ATRNL1: variants seen among roughly 807,000 people sequenced by gnomAD.
ATRNL1 encodes the protein attractin-like protein 1.
ATRNL1 carries 95 observed loss-of-function variants against 182.7 expected under a neutral mutation model. That is an observed-to-expected ratio of 0.52 (90% CI 0.44 to 0.62). ATRNL1 has a LOEUF of 0.62. ATRNL1 is among the 20% of genes least tolerant of loss of function. The probability of loss-of-function intolerance (pLI) is 0.00; values close to 1 mark genes in which losing one functional copy is unlikely to be tolerated. For synonymous variants in ATRNL1, 576 were observed against 568.3 expected (o/e 1.01, Z -0.19); for missense variants, 1,471 against 1,679.5 (o/e 0.88, Z 2.17).
intron 28 of ATRNL1, among the ~76,000 whole-genome samples, chr10:115,923,324 A>G (rs1953123978): frequency 6.6e-6 from 1 of 152,232 alleles, no homozygotes; most frequent in Non-Finnish European, 1.5e-5. Flanking sequence ...ACAGGTATAG[A>G]ATGTACAGGT....
At chr10:115,312,453 A>C (rs1479792435) in intron 17 of ATRNL1, among the ~76,000 whole-genome samples, 1 of 152,154 alleles carries the variant, frequency 6.6e-6, no homozygotes. Flanking sequence ...TCTGGCCTGT[A>C]AGGTTTCTGC....
rs183918903 is a variant in ATRNL1 at position 115,882,458 on chromosome 10, C to G, written c.4018+34467C>G. On this transcript the variant is annotated intron_variant, in intron 28 of 28. Coordinates refer to ENST00000355044, the MANE Select transcript of ATRNL1 (RefSeq NM_207303.4). ...GTTAGTTGTTCTTTCCCATAGGTAC[C>G]CTGTATTTTCATACTTCATTCACAT... Among the ~76,000 whole-genome samples the G allele has an allele frequency of 9.9e-5, 15 of 152,200 alleles. No individual in the cohort carries two copies. In the East Asian group the frequency reaches 2.5e-3, roughly 26 times the overall value.
chr10:115,781,017 AG>A (rs1555079196), intron 27 of ATRNL1, among the ~76,000 whole-genome samples: 1 of 152,204 alleles, frequency 6.6e-6, no homozygotes, highest in African/African-American at 2.4e-5. Flanking sequence ...TAAAAGGCAC[AG>A]TCAACTTGAT....
intron 27 of ATRNL1, among the ~76,000 whole-genome samples, chr10:115,774,249 G>A (rs577052869): frequency 3.3e-5 from 5 of 151,846 alleles, no homozygotes; most frequent in African/African-American, 9.7e-5. Flanking sequence ...CCAATGTGGC[G>A]AAACCCCGTC....
chr10:115,189,346 A>G (rs1554889388), intron 8 of ATRNL1, among the ~76,000 whole-genome samples: 2 of 151,298 alleles, frequency 1.3e-5, no homozygotes, highest in African/African-American at 2.4e-5. Flanking sequence ...TACTTACAAG[A>G]AAAAAAAACT....
At position 115,637,172 on chromosome 10, in the gene ATRNL1, C is replaced by T. The variant is rs557798222; in HGVS notation, c.3795+87636C>T. 2.6e-5 allele frequency among the ~76,000 whole-genome samples: 4 copies of T among 152,220 alleles called. No homozygotes were observed. The South Asian group carries it at 8.3e-4, about 32-fold the overall frequency. Reference sequence around the variant, plus strand: ...AAATCTATGATGAAAATTAACTGACCATATCACCGTGGACACATTTCTGAA... The same window carrying T: ...AAATCTATGATGAAAATTAACTGACTATATCACCGTGGACACATTTCTGAA... On this transcript the variant is annotated intron_variant, in intron 26 of 28. Coordinates refer to ENST00000355044, the MANE Select transcript of ATRNL1 (RefSeq NM_207303.4).
chr10:115,168,246 G>A (rs944824399), intron 7 of ATRNL1, among the ~76,000 whole-genome samples: 1 of 152,060 alleles, frequency 6.6e-6, no homozygotes. Context: ...CATTTGAGTT[G>A]TTTCCACCTT....
At chr10:115,751,476 G>A (rs1948447523) in intron 27 of ATRNL1, among the ~76,000 whole-genome samples, 1 of 152,040 alleles carries the variant, frequency 6.6e-6, no homozygotes, top group Non-Finnish European at 1.5e-5. Flanking sequence ...TTCATTTATT[G>A]TTGGGAATGC....
rs537148847 is a variant in ATRNL1, at chr10:115,778,328, AG to A, written c.3903+50975del. 2.2e-3 allele frequency among the ~76,000 whole-genome samples: 340 copies of A among 152,328 alleles called. 3 individuals are homozygous for A. Among genetic ancestry groups the A allele is most frequent in the African/African-American group, 7.7e-3 (320 of 41,566 alleles). The stretch of plus-strand genomic sequence containing the variant: ...AGCTTATGGCCTATTAGAAGAGGTA[AG>A]GAAAAAAAACTGTAATATAGAAAGT... On this transcript the variant is annotated intron_variant, in intron 27 of 28. Transcript: ENST00000355044.
intron 26 of ATRNL1, among the ~76,000 whole-genome samples, chr10:115,724,091 G>T (rs891473189): frequency 2.0e-5 from 3 of 152,054 alleles, no homozygotes; most frequent in African/African-American, 4.8e-5. Context: ...AGACACATCT[G>T]CTATATGGCT....
At chr10:115,890,206 G>A (rs1178421761) in intron 28 of ATRNL1, among the ~76,000 whole-genome samples, 3 of 152,186 alleles carry the variant, frequency 2.0e-5, no homozygotes, top group Non-Finnish European at 4.4e-5. Context: ...CTCACTGTGG[G>A]TGGTGGACCG....
At chr10:115,508,390 T>G (rs1850221307) in intron 24 of ATRNL1, among the ~76,000 whole-genome samples, 1 of 152,038 alleles carries the variant, frequency 6.6e-6, no homozygotes, top group Admixed American at 6.6e-5. Context: ...AAAGAATTGT[T>G]GCATGTCTTG....
intron 24 of ATRNL1, among the ~76,000 whole-genome samples, chr10:115,502,491 C>A (rs1486755378): frequency 6.6e-6 from 1 of 151,934 alleles, no homozygotes; most frequent in Non-Finnish European, 1.5e-5. Flanking sequence ...AGAGAGGAGA[C>A]TTAATTTTAC....
intron 27 of ATRNL1, among the ~76,000 whole-genome samples, chr10:115,834,022 G>A (rs572847289): frequency 7.8e-4 from 118 of 151,152 alleles, no homozygotes; most frequent in African/African-American, 2.6e-3. Flanking sequence ...CTCAACTGCC[G>A]GAGCACTTCA....
chr10:115,435,187 G>A (rs1554964623), intron 21 of ATRNL1, among the ~76,000 whole-genome samples: 1 of 151,650 alleles, frequency 6.6e-6, no homozygotes, highest in Non-Finnish European at 1.5e-5. Context: ...GGCTAATTTT[G>A]TTTTTGTATT....
chr10:115,844,011 G>A (rs1379108248), intron 27 of ATRNL1, among the ~76,000 whole-genome samples: 1 of 152,108 alleles, frequency 6.6e-6, no homozygotes, highest in Non-Finnish European at 1.5e-5. Context: ...GTGTCTCATC[G>A]GGTAGGTATT....
At chr10:115,451,487 G>T (rs1847278560) in intron 21 of ATRNL1, among the ~76,000 whole-genome samples, 2 of 152,240 alleles carry the variant, frequency 1.3e-5, no homozygotes, top group African/African-American at 4.8e-5. Context: ...AGACATACAT[G>T]TGGCCAAGAA....
intron 10 of ATRNL1, among the ~76,000 whole-genome samples, chr10:115,251,326 G>A (rs1850868008): frequency 6.6e-6 from 1 of 152,170 alleles, no homozygotes; most frequent in Non-Finnish European, 1.5e-5. Context: ...AGCTCCCAGA[G>A]GCTTCCACTG....
At chr10:115,482,070 A>AAT (rs1425243897) in intron 24 of ATRNL1, among the ~76,000 whole-genome samples, 2 of 151,112 alleles carry the variant, frequency 1.3e-5, no homozygotes, top group African/African-American at 4.8e-5. Context: ...ATGAAATATT[A>AAT]ATATATAATG....
Sources: gnomAD v4.1 joint callset for allele counts (sites outside exome capture counted in the v4.1 genomes callset) on GRCh38, gnomAD v4.1.1 for gene constraint, MANE v1.5 for transcripts, NCBI Gene and HGNC (gene_info 2026-07-23, HGNC 2026-07-21) for gene names.